DHX29: variants seen among roughly 807,000 people sequenced by gnomAD.
DHX29 encodes the protein DExH-box helicase 29.
A neutral mutation model predicts 167.9 loss-of-function variants in DHX29; 79 were observed. The observed-to-expected ratio is 0.47, with a 90% CI of 0.39 to 0.57. DHX29 has a LOEUF of 0.57. Among genes scored for constraint, DHX29 ranks in the 20% least tolerant of loss-of-function variants. The pLI is 0.00. For missense variants in DHX29, 1,347 were observed against 1,593.4 expected (o/e 0.85, Z 2.63); for synonymous variants, 530 against 546.0 (o/e 0.97, Z 0.41).
intron 1 of DHX29, 68 bp downstream of exon 1, chr5:55,307,319 G>A: frequency 5.0e-6 from 7 of 1,387,984 alleles, no homozygotes; most frequent in Admixed American, 2.2e-5. Flanking sequence ...CGGGTTCTAA[G>A]GCCCTTTCCT....
intron 8 of DHX29, among the ~76,000 whole-genome samples, chr5:55,286,698 A>G (rs1036089253): frequency 6.6e-6 from 1 of 152,264 alleles, no homozygotes; most frequent in African/African-American, 2.4e-5. Context: ...GTCTCAGAAC[A>G]GCAGACATAG....
rs1370371622 is a variant in DHX29, at chr5:55,276,280, T to A, written c.2413A>T (p.Ile805Leu). Residue 805 changes from isoleucine (I) to leucine (L), a missense_variant, in exon 14 of 27, where the codon ATA becomes TTA. Physicochemically the swap from Ile to Leu is conservative, Grantham distance 5. Coordinates refer to ENST00000251636, the MANE Select transcript of DHX29 (RefSeq NM_019030.4). ...TTTCTTTTTACCTGATATTTTTTTA[T>A]TCCCCCTGCTTTGCTTGTAACATTA... ...TINVTSKAGG[I>L]KKYQEYIPVQ... 6.3e-7 allele frequency: 1 copy of A among 1,577,952 alleles called. No homozygotes were observed. The highest frequency in any genetic ancestry group is 8.5e-7 in the Non-Finnish European group (1 of 1,170,046).
At chr5:55,269,343 G>GTAC in intron 21 of DHX29, 70 bp downstream of exon 21, 1 of 1,478,114 alleles carries the variant, frequency 6.8e-7, no homozygotes, top group Non-Finnish European at 9.2e-7. Context: ...CTTAACAATT[G>GTAC]TTTCCAAACT....
intron 25 of DHX29, among the ~76,000 whole-genome samples, chr5:55,260,483 G>A (rs952217006): frequency 5.7e-4 from 63 of 110,888 alleles, no homozygotes; most frequent in African/African-American, 1.9e-3. Context: ...CACCTGCCTC[G>A]GCCTCCCAAA....
At chr5:55,295,353 C>T (rs1236921901) in intron 5 of DHX29, 26 bp downstream of exon 5, 2 of 1,564,942 alleles carry the variant, frequency 1.3e-6, no homozygotes, top group South Asian at 1.1e-5. Flanking sequence ...TTTTATACAA[C>T]TTTAAATGCT....
rs1321050987 is a variant in DHX29 at position 55,285,395 on chromosome 5, T to G, written c.1254A>C (p.Glu418Asp). The change falls in exon 10 of 27, where the codon GAA becomes GAC. Residue 418 changes from glutamate to aspartate, a missense_variant. Physicochemically the swap from Glu to Asp is conservative, Grantham distance 45 (BLOSUM62 2). Around this residue, in one of 3 missense-constraint regions of DHX29, gnomAD observed 60 missense variants for 94.2 expected, o/e 0.64. Coordinates refer to ENST00000251636, the MANE Select transcript of DHX29 (RefSeq NM_019030.4). ...TAGGGCATACTACCAGGACATCATCTTCAGACTTGATTACCCTAACCCTAC... is the reference window on the plus strand; with the variant it reads ...TAGGGCATACTACCAGGACATCATCGTCAGACTTGATTACCCTAACCCTAC... ...WKCRVRVIKS[E>D]DDVLVVCPTI... The G allele has an allele frequency of 1.2e-6, 2 of 1,613,486 alleles. No individual in the cohort carries two copies. Among genetic ancestry groups the G allele is most frequent in the Non-Finnish European group, 1.7e-6 (2 of 1,179,880 alleles).
Position 55,274,613 on chromosome 5 carries a change from C to T in DHX29, c.2690+1G>A, listed in dbSNP as rs1440982554. On this transcript the variant is annotated splice_donor_variant, in intron 16 of 26. Coordinates refer to ENST00000251636, the MANE Select transcript of DHX29 (RefSeq NM_019030.4). LOFTEE classifies it high-confidence loss of function. ...GGAATATAATGAAGATGAGTAGTTACCGTTCAGAATAAAATCTTCTATCAT... is the reference window on the plus strand; with the variant it reads ...GGAATATAATGAAGATGAGTAGTTATCGTTCAGAATAAAATCTTCTATCAT... The T allele has an allele frequency of 1.9e-6, 3 of 1,567,490 alleles. No homozygotes were observed. Among genetic ancestry groups the T allele is most frequent in the Non-Finnish European group, 2.6e-6 (3 of 1,154,876 alleles).
intron 23 of DHX29, among the ~76,000 whole-genome samples, chr5:55,265,016 T>C (rs1746484944): frequency 6.6e-6 from 1 of 151,480 alleles, no homozygotes; most frequent in Admixed American, 6.6e-5. Context: ...GGAAATTTTG[T>C]AATGGATGAA....
At position 55,297,419 on chromosome 5, in the gene DHX29, A is replaced by G. The variant is rs111529459; in HGVS notation, c.262-21T>C. On this transcript the variant is annotated intron_variant, in intron 2 of 26. Coordinates refer to ENST00000251636, the MANE Select transcript of DHX29 (RefSeq NM_019030.4). Reference sequence around the variant, plus strand: ...ACCACCTGTTGAGGCCAAAAAGGTCATATCATTTAGAAGCTAAATTATTAA... The same window carrying G: ...ACCACCTGTTGAGGCCAAAAAGGTCGTATCATTTAGAAGCTAAATTATTAA... 2.3e-3 allele frequency: 2,226 copies of G among 961,878 alleles called. 31 individuals carry two copies. In the African/African-American group the frequency reaches 0.032, roughly 14 times the overall value. The allele number at this position is 961,878 out of a possible 1,614,324, so 59.6% of individuals were successfully genotyped here.
At chr5:55,270,350 A>AT (rs1193466973) in intron 20 of DHX29, 62 bp downstream of exon 20, 14 of 1,498,172 alleles carry the variant, frequency 9.3e-6, no homozygotes, top group South Asian at 2.7e-5. Context: ...TTAGGTGTTC[A>AT]TTTTTTTTCT....
At chr5:55,280,830 T>C (rs980802484) in intron 12 of DHX29, among the ~76,000 whole-genome samples, 3 of 152,200 alleles carry the variant, frequency 2.0e-5, no homozygotes, top group South Asian at 2.1e-4. Context: ...AACTACTCTA[T>C]AGATAACTTG....
chr5:55,279,458 A>C (rs1325502360), intron 12 of DHX29: 2 of 152,170 alleles, frequency 1.3e-5, no homozygotes, highest in Admixed American at 6.5e-5. Flanking sequence ...AATGGATGGC[A>C]TAGATCTGGA....
At position 55,261,601 on chromosome 5, in the gene DHX29, AT is replaced by A; in HGVS notation, c.3829-103del. ...ATTTTTCTACAATTTGTTATTCTAC[AT>A]TTTAAGCTCAGAGTATTTGTAAAGC... is the stretch of plus-strand genomic sequence containing the variant. On this transcript the variant is annotated intron_variant, in intron 24 of 26. Coordinates refer to ENST00000251636, the MANE Select transcript of DHX29 (RefSeq NM_019030.4). The A allele has an allele frequency of 3.8e-6, 3 of 784,834 alleles. No homozygotes were observed. In the South Asian group the frequency reaches 4.8e-5, roughly 13 times the overall value. 48.6% of individuals were successfully genotyped at this position (784,834 alleles called of 1,614,324 possible).
At chr5:55,290,123 G>C (rs1747963325) in intron 7 of DHX29, 95 bp downstream of exon 7, 1 of 1,404,644 alleles carries the variant, frequency 7.1e-7, no homozygotes, top group Non-Finnish European at 9.7e-7. Context: ...GTTAGAAAAG[G>C]GTAGACATAT....
At chr5:55,306,474 G>C (rs1195936943) in intron 1 of DHX29, among the ~76,000 whole-genome samples, 1 of 151,922 alleles carries the variant, frequency 6.6e-6, no homozygotes, top group Non-Finnish European at 1.5e-5. Flanking sequence ...CTGTTAAACT[G>C]TCTTCCCTGG....
intron 8 of DHX29, among the ~76,000 whole-genome samples, chr5:55,286,854 CT>C (rs1391698490): frequency 6.6e-6 from 1 of 152,152 alleles, no homozygotes; most frequent in Non-Finnish European, 1.5e-5. Context: ...GTGCTGCTTT[CT>C]TTTTTACCTT....
chr5:55,287,589 T>TA (rs1049864571), intron 8 of DHX29, among the ~76,000 whole-genome samples: 6 of 152,082 alleles, frequency 3.9e-5, no homozygotes, highest in East Asian at 3.9e-4. Flanking sequence ...AATTTTTTTT[T>TA]AAAAAAACAA....
chr5:55,275,811 A>G (rs1318130129), intron 14 of DHX29, among the ~76,000 whole-genome samples: 1 of 151,830 alleles, frequency 6.6e-6, no homozygotes, highest in African/African-American at 2.4e-5. Flanking sequence ...ATCTATCACT[A>G]TCTACCTATC....
intron 4 of DHX29, 36 bp from the exon 5 acceptor site, chr5:55,295,560 G>A: frequency 6.3e-7 from 1 of 1,594,018 alleles, no homozygotes; most frequent in South Asian, 1.1e-5. Context: ...AAATAAACAG[G>A]CATATGATAC....
Sources: gnomAD v4.1 joint callset for allele counts (sites outside exome capture counted in the v4.1 genomes callset) on GRCh38, gnomAD v4.1.1 for gene constraint, gnomAD v4.1.1 regional missense constraint, MANE v1.5 for transcripts, NCBI Gene and HGNC (gene_info 2026-07-23, HGNC 2026-07-21) for gene names.